CDK14: variants seen among roughly 807,000 people sequenced by gnomAD.
CDK14 encodes cyclin dependent kinase 14, also known as cyclin-dependent kinase 14.
CDK14 carries 34 observed loss-of-function variants against 60.7 expected under a neutral mutation model. That is an observed-to-expected ratio of 0.56 (90% CI 0.43 to 0.75). The LOEUF (loss-of-function observed/expected upper bound fraction) is 0.75, where lower values mean the gene tolerates loss of function less well. Ranked by LOEUF, CDK14 falls within the 30% of genes least tolerant of loss-of-function variation. CDK14 has a pLI of 0.00. For synonymous variants in CDK14, 197 were observed against 203.7 expected, an observed-to-expected ratio of 0.97 and a Z score of 0.28; for missense variants, 482 against 564.1, an observed-to-expected ratio of 0.85 and a Z score of 1.47.
intron 2 of CDK14, among the ~76,000 whole-genome samples, chr7:90,650,983 A>G (rs1378089054): frequency 6.6e-6 from 1 of 152,116 alleles, no homozygotes; most frequent in Non-Finnish European, 1.5e-5. Flanking sequence ...GTTTTTTCCA[A>G]TTCTGTGAAG....
chr7:91,057,600 A>G (rs1469238004), intron 11 of CDK14, among the ~76,000 whole-genome samples: 1 of 152,184 alleles, frequency 6.6e-6, no homozygotes, highest in Non-Finnish European at 1.5e-5. Flanking sequence ...TAAGGAAGGG[A>G]TCCATTTTCA....
chr7:90,711,570 C>G (rs980276740), intron 2 of CDK14, among the ~76,000 whole-genome samples: 4 of 151,962 alleles, frequency 2.6e-5, no homozygotes, highest in African/African-American at 9.7e-5. Context: ...ACTGATTTTA[C>G]AATCATACGA....
At chr7:91,163,558 T>C (rs1291976804) in intron 14 of CDK14, among the ~76,000 whole-genome samples, 3 of 152,216 alleles carry the variant, frequency 2.0e-5, no homozygotes, top group Non-Finnish European at 4.4e-5. Flanking sequence ...TGTGGAATGA[T>C]TAAATCAAGC....
At chr7:90,983,938 C>T (rs533999741) in intron 9 of CDK14, among the ~76,000 whole-genome samples, 104 of 152,230 alleles carry the variant, frequency 6.8e-4, no homozygotes, top group African/African-American at 2.4e-3. Flanking sequence ...ATGATGGGAT[C>T]ATTCATACCT....
chr7:91,042,120 A>G (rs78635378), intron 10 of CDK14, among the ~76,000 whole-genome samples: 11,990 of 152,236 alleles, frequency 0.079, 699 homozygotes, highest in African/African-American at 0.16. Flanking sequence ...TGAAGCTACA[A>G]ATAGAGGTAG....
chr7:90,827,258 G>A (rs763681086), intron 5 of CDK14, among the ~76,000 whole-genome samples: 4 of 152,114 alleles, frequency 2.6e-5, no homozygotes, highest in East Asian at 3.9e-4. Flanking sequence ...TAAAGTTCCT[G>A]TATATCTTTT....
intron 2 of CDK14, among the ~76,000 whole-genome samples, chr7:90,707,219 A>C (rs369589345): frequency 6.6e-6 from 1 of 152,142 alleles, no homozygotes; most frequent in Non-Finnish European, 1.5e-5. Context: ...TCAAGCTTGT[A>C]TTCTTCCTGT....
intron 14 of CDK14, among the ~76,000 whole-genome samples, chr7:91,155,197 C>A (rs1420931111): frequency 6.6e-6 from 1 of 152,148 alleles, no homozygotes; most frequent in East Asian, 1.9e-4. Context: ...GGAAGACCAG[C>A]TAGCCAAGGA....
intron 14 of CDK14, among the ~76,000 whole-genome samples, chr7:91,142,209 A>T (rs907072467): frequency 6.6e-6 from 1 of 152,056 alleles, no homozygotes; most frequent in Admixed American, 6.6e-5. Flanking sequence ...TCTGCATCTC[A>T]TTTTTTTATT....
chr7:91,026,698 A>G (rs1796579037), intron 10 of CDK14, among the ~76,000 whole-genome samples: 1 of 152,172 alleles, frequency 6.6e-6, no homozygotes, highest in African/African-American at 2.4e-5. Context: ...CAAGTTATGC[A>G]ATCTGTTTCA....
chr7:90,693,767 T>G (rs1236329473), intron 2 of CDK14, among the ~76,000 whole-genome samples: 1 of 152,220 alleles, frequency 6.6e-6, no homozygotes, highest in African/African-American at 2.4e-5. Context: ...CTTTGTTCAT[T>G]CATCGTAATG....
chr7:90,728,853 C>G (rs112438041), intron 3 of CDK14, among the ~76,000 whole-genome samples: 2 of 151,962 alleles, frequency 1.3e-5, no homozygotes, highest in African/African-American at 4.8e-5. Flanking sequence ...AAGACCTAGT[C>G]GTTTTATTTA....
chr7:91,070,792 A>T (rs1798117694), intron 11 of CDK14, among the ~76,000 whole-genome samples: 1 of 151,856 alleles, frequency 6.6e-6, no homozygotes, highest in African/African-American at 2.4e-5. Flanking sequence ...AAAAAAAGAG[A>T]AAGAAATGTT....
intron 11 of CDK14, among the ~76,000 whole-genome samples, chr7:91,075,008 A>G (rs1411442053): frequency 6.6e-6 from 1 of 152,134 alleles, no homozygotes; most frequent in Non-Finnish European, 1.5e-5. Flanking sequence ...CGTAGCCTAC[A>G]AACCAAAAAA....
chr7:90,620,909 C>T (rs1799751973), intron 2 of CDK14, among the ~76,000 whole-genome samples: 1 of 152,222 alleles, frequency 6.6e-6, no homozygotes, highest in Non-Finnish European at 1.5e-5. Context: ...TGTTGCCCCA[C>T]TTCTGCCCAT....
intron 14 of CDK14, among the ~76,000 whole-genome samples, chr7:91,169,241 G>A (rs1801440342): frequency 6.6e-6 from 1 of 152,162 alleles, no homozygotes; most frequent in Admixed American, 6.5e-5. Context: ...ACACTCCAGT[G>A]TACTCTAATC....
intron 2 of CDK14, among the ~76,000 whole-genome samples, chr7:90,618,270 A>T (rs1318538498): frequency 3.3e-5 from 5 of 152,168 alleles, no homozygotes; most frequent in Non-Finnish European, 2.9e-5. Context: ...AATACTTTGG[A>T]TTCTTTTTTA....
intron 3 of CDK14, among the ~76,000 whole-genome samples, chr7:90,738,970 A>C (rs775894977): frequency 1.6e-4 from 24 of 150,134 alleles, no homozygotes; most frequent in Non-Finnish European, 2.4e-4. Flanking sequence ...TGGATTCTTT[A>C]TTTATGTGTA....
At chr7:91,057,169 G>A (rs1489021530) in intron 11 of CDK14, among the ~76,000 whole-genome samples, 3 of 152,254 alleles carry the variant, frequency 2.0e-5, no homozygotes, top group East Asian at 3.9e-4. Flanking sequence ...GTGATGATGA[G>A]CATTTTTTCA....
Sources: allele counts gnomAD v4.1 joint callset (sites outside exome capture counted in the v4.1 genomes callset), GRCh38; gene constraint gnomAD v4.1.1; transcripts MANE v1.5; gene names NCBI Gene and HGNC (gene_info 2026-07-23, HGNC 2026-07-21).